Variants in POU1F1 observed in about 807,000 individuals in gnomAD.
POU1F1 encodes POU class 1 homeobox 1.
A neutral mutation model predicts 32.3 loss-of-function variants in POU1F1; 23 were observed. The observed-to-expected ratio is 0.71, with a 90% CI of 0.51 to 1.01. POU1F1 has a LOEUF of 1.01. Ranked by LOEUF, POU1F1 falls within the 50% of genes least tolerant of loss-of-function variation. The pLI, the probability that POU1F1 is intolerant of heterozygous loss-of-function variation, is 0.00. For missense variants in POU1F1, 323 were observed against 341.6 expected, an observed-to-expected ratio of 0.95 and a Z score of 0.43; for synonymous variants, 120 against 115.6, an observed-to-expected ratio of 1.04 and a Z score of -0.25.
intron 1 of POU1F1, among the ~76,000 whole-genome samples, chr3:87,275,944 A>C (rs1405968505): frequency 6.6e-6 from 1 of 152,132 alleles, no homozygotes; most frequent in Non-Finnish European, 1.5e-5. Context: ...AACCTTTAAG[A>C]TAAAGAAGTA....
chr3:87,261,294 CT>C lies in POU1F1; in HGVS notation c.643del (p.Arg215GlufsTer7). 2 of 1,588,680 alleles carry C rather than the reference CT, an allele frequency of 1.3e-6. No homozygotes were observed. Among genetic ancestry groups the C allele is most frequent in the Non-Finnish European group, 1.7e-6 (2 of 1,162,178 alleles). The part of the protein sequence containing the change: ...NEKVGANERK[R>X]KRRTTISIAA... Reference sequence around the variant, plus strand: ...ATACCTTATAGTTGTTCTTCGTTTTCTTTTCCTTTCATTTGCTCCCACTTTT... The same window carrying C: ...ATACCTTATAGTTGTTCTTCGTTTTCTTTCCTTTCATTTGCTCCCACTTTT... On this transcript the variant is annotated frameshift_variant, in exon 5 of 6. Coordinates refer to ENST00000350375, the MANE Select transcript of POU1F1 (RefSeq NM_000306.4). LOFTEE classifies it high-confidence loss of function.
chr3:87,267,238 T>A lies in POU1F1; in HGVS notation c.215-2726A>T, dbSNP rs188995336. ...CGTGTTAATTTCACATTTGTTATCA[T>A]CTTTATCCTTATACAAAAAATGAGT... On this transcript the variant is annotated intron_variant, in intron 2 of 5. Transcript: ENST00000350375. Among the ~76,000 whole-genome samples, 309 of 152,298 alleles carry A rather than the reference T, an allele frequency of 2.0e-3. 1 individual carries two copies. Among genetic ancestry groups the A allele is most frequent in the Non-Finnish European group, 3.6e-3 (245 of 68,020 alleles).
rs572305544 is a variant in POU1F1, at chr3:87,263,355, C to T, written c.439+933G>A. Among the ~76,000 whole-genome samples the T allele has an allele frequency of 4.7e-4, 71 of 152,122 alleles. 2 individuals carry two copies. In the South Asian group the frequency reaches 0.014, roughly 31 times the overall value. ...TTGCAAAGATCTAAAAGATTAACAG[C>T]ATATTTTTTCTTTCAACCACCATTT... On this transcript the variant is annotated intron_variant, in intron 3 of 5. Transcript: ENST00000350375.
Position 87,260,078 on chromosome 3 carries a change from C to T in POU1F1, c.692G>A (p.Arg231Lys), listed in dbSNP as rs780123391. ...AGGTTTATTCTGTTCTCCAAAGTGT[C>T]TCTCCAGAGCATCTTTAGCAGCAAT... ...ISIAAKDALERHFGEQNKPSS... is the reference protein window; with the variant it reads ...ISIAAKDALEKHFGEQNKPSS... The change falls in exon 6 of 6, where the codon AGA becomes AAA. Residue 231 changes from arginine (R) to lysine (K), a missense_variant. By Grantham distance (26) the Arg-to-Lys change is conservative. Coordinates refer to ENST00000350375, the MANE Select transcript of POU1F1 (RefSeq NM_000306.4). 1.9e-6 allele frequency: 3 copies of T among 1,613,826 alleles called. No homozygotes were observed. The highest frequency in any genetic ancestry group is 2.5e-6 in the Non-Finnish European group (3 of 1,179,914).
intron 2 of POU1F1, among the ~76,000 whole-genome samples, chr3:87,267,267 G>A (rs541729888): frequency 2.4e-4 from 36 of 152,146 alleles, no homozygotes; most frequent in African/African-American, 8.4e-4. Context: ...AATGAGTCAG[G>A]AAAGATATAT....
intron 2 of POU1F1, among the ~76,000 whole-genome samples, chr3:87,265,499 C>A (rs1027959810): frequency 2.6e-5 from 4 of 151,942 alleles, no homozygotes; most frequent in Non-Finnish European, 5.9e-5. Context: ...CATTTTGTTT[C>A]TTGTTTTCTT....
At chr3:87,276,226 A>C (rs1575984380) in intron 1 of POU1F1, 95 bp downstream of exon 1, 2 of 1,473,260 alleles carry the variant, frequency 1.4e-6, no homozygotes, top group Non-Finnish European at 1.9e-6. Flanking sequence ...GGGTAAAATG[A>C]AAGATGCAAA....
At chr3:87,269,681 A>C (rs1016068697) in intron 2 of POU1F1, among the ~76,000 whole-genome samples, 7 of 152,178 alleles carry the variant, frequency 4.6e-5, no homozygotes, top group African/African-American at 1.2e-4. Context: ...ATTTTCAGCC[A>C]TAACAATCTT....
intron 1 of POU1F1, 86 bp from the exon 2 acceptor site, chr3:87,273,504 G>T (rs1319094184): frequency 2.5e-6 from 4 of 1,586,742 alleles, no homozygotes; most frequent in Non-Finnish European, 3.4e-6. Flanking sequence ...GGACTGGTAA[G>T]AAAATGTATA....
intron 5 of POU1F1, among the ~76,000 whole-genome samples, chr3:87,261,035 T>C (rs1435760302): frequency 1.3e-5 from 2 of 151,878 alleles, no homozygotes; most frequent in East Asian, 1.9e-4. Flanking sequence ...CTCAGTCTCC[T>C]GAGTAGCTGG....
At chr3:87,265,391 T>G (rs922256086) in intron 2 of POU1F1, among the ~76,000 whole-genome samples, 7 of 152,050 alleles carry the variant, frequency 4.6e-5, no homozygotes, top group African/African-American at 1.2e-4. Flanking sequence ...GGTCTGAAAT[T>G]ATTACACAAT....
chr3:87,266,323 A>ATGTAATTATAAATATATAATTATAAATG (rs1706621512), intron 2 of POU1F1, among the ~76,000 whole-genome samples: 1 of 146,864 alleles, frequency 6.8e-6, no homozygotes, highest in Non-Finnish European at 1.5e-5. Flanking sequence ...TATATAAAAT[A>ATGTAATTATAAATATATAATTATAAATG]TGTAATTATA....
At chr3:87,260,148 G>C in intron 5 of POU1F1, 44 bp from the exon 6 acceptor site, 1 of 1,546,794 alleles carries the variant, frequency 6.5e-7, no homozygotes, top group Non-Finnish European at 8.9e-7. Flanking sequence ...GTTGTTTTTA[G>C]TGAAGTTTTT....
chr3:87,272,136 A>C (rs1272125820), intron 2 of POU1F1, among the ~76,000 whole-genome samples: 1 of 151,674 alleles, frequency 6.6e-6, no homozygotes, highest in Non-Finnish European at 1.5e-5. Flanking sequence ...ATTAGAAAAG[A>C]TTTCCCTAAT....
intron 1 of POU1F1, among the ~76,000 whole-genome samples, chr3:87,273,843 A>G (rs1466263660): frequency 1.3e-5 from 2 of 152,158 alleles, no homozygotes; most frequent in Admixed American, 1.3e-4. Context: ...GTCCTTTAAA[A>G]TTCTTGTGTT....
At chr3:87,270,617 T>A (rs1376819306) in intron 2 of POU1F1, among the ~76,000 whole-genome samples, 1 of 152,196 alleles carries the variant, frequency 6.6e-6, no homozygotes, top group Non-Finnish European at 1.5e-5. Context: ...AGCTTCACTT[T>A]TATATAGAGT....
intron 4 of POU1F1, 33 bp downstream of exon 4, chr3:87,262,036 AAC>A (rs1706523385): frequency 6.2e-7 from 1 of 1,612,880 alleles, no homozygotes. Context: ...TTTAGGTTAA[AAC>A]ACAGCACAGC....
intron 2 of POU1F1, 109 bp downstream of exon 2, chr3:87,273,238 G>A: frequency 8.3e-7 from 1 of 1,210,386 alleles, no homozygotes; most frequent in Middle Eastern, 2.3e-4. Context: ...AATTTTCAAA[G>A]TTAAGAAATC....
At chr3:87,260,817 A>C (rs1706494761) in intron 5 of POU1F1, among the ~76,000 whole-genome samples, 1 of 151,766 alleles carries the variant, frequency 6.6e-6, no homozygotes, top group African/African-American at 2.4e-5. Context: ...CAAATGTTGA[A>C]AATTATTAGC....
Sources: allele counts gnomAD v4.1 joint callset (sites outside exome capture counted in the v4.1 genomes callset), GRCh38; gene constraint gnomAD v4.1.1; transcripts MANE v1.5; gene names NCBI Gene and HGNC (gene_info 2026-07-23, HGNC 2026-07-21).